The following PATJ variants were observed in gnomAD, a reference collection of about 807,000 sequenced individuals.
The protein encoded by PATJ is inaD-like protein.
A neutral mutation model predicts 224.9 loss-of-function variants in PATJ; 190 were observed. The observed-to-expected ratio is 0.84, with a 90% confidence interval of 0.75 to 0.95. The LOEUF is 0.95. PATJ is among the 40% of genes least tolerant of loss of function. The pLI is 0.00. For synonymous variants in PATJ, 769 were observed against 820.3 expected, an observed-to-expected ratio of 0.94 and a Z score of 1.07; for missense variants, 2,121 against 2,270.3, an observed-to-expected ratio of 0.93 and a Z score of 1.34.
chr1:62,036,331 G>A (rs773345793), intron 29 of PATJ, among the ~76,000 whole-genome samples: 13 of 152,186 alleles, frequency 8.5e-5, no homozygotes, highest in Non-Finnish European at 1.8e-4. Context: ...TGAAATTCAT[G>A]AGACTTAGTG....
At chr1:61,898,953 AT>A (rs35895958) in intron 22 of PATJ, among the ~76,000 whole-genome samples, 46,817 of 150,448 alleles carry the variant, frequency 0.31, 7,526 homozygotes, top group South Asian at 0.51. Flanking sequence ...TGCACAGCTG[AT>A]TTTTTTTTTG....
At chr1:61,859,376 G>A (rs1296379076) in intron 18 of PATJ, among the ~76,000 whole-genome samples, 1 of 152,058 alleles carries the variant, frequency 6.6e-6, no homozygotes, top group Non-Finnish European at 1.5e-5. Flanking sequence ...GGAGTGGGAG[G>A]CCAATGAAGG....
chr1:62,065,654 A>G (rs936225561), intron 31 of PATJ, among the ~76,000 whole-genome samples: 7 of 152,222 alleles, frequency 4.6e-5, no homozygotes, highest in African/African-American at 1.4e-4. Context: ...GCTTACATTC[A>G]TTCCCAACCA....
chr1:61,961,948 G>A (rs372609417), intron 27 of PATJ, among the ~76,000 whole-genome samples: 1 of 136,646 alleles, frequency 7.3e-6, no homozygotes, highest in African/African-American at 2.7e-5. Context: ...CAGCCTGGGC[G>A]ACAAGAATGA....
intron 6 of PATJ, among the ~76,000 whole-genome samples, chr1:61,772,702 A>G (rs1184435933): frequency 6.6e-6 from 1 of 152,218 alleles, no homozygotes; most frequent in South Asian, 2.1e-4. Flanking sequence ...AAAGTGGGGC[A>G]TTGTTTAACG....
intron 33 of PATJ, among the ~76,000 whole-genome samples, chr1:62,105,086 A>T (rs1285568751): frequency 2.6e-5 from 4 of 152,210 alleles, no homozygotes; most frequent in Non-Finnish European, 1.5e-5. Flanking sequence ...CGGACTAAAA[A>T]TGGATCATTT....
intron 28 of PATJ, chr1:62,013,547 C>T (rs762788327): frequency 2.8e-5 from 27 of 965,336 alleles, no homozygotes; most frequent in Non-Finnish European, 3.3e-5. Context: ...TGCGTGCCTG[C>T]GCTGATGGTT....
At chr1:61,744,308 G>GAAAAAAAAAA (rs1421721749) in intron 1 of PATJ, among the ~76,000 whole-genome samples, 1 of 94,960 alleles carries the variant, frequency 1.1e-5, no homozygotes, top group Non-Finnish European at 2.3e-5. Flanking sequence ...AAAAAAAAAG[G>GAAAAAAAAAA]AAAAAAGATT....
At position 61,809,170 on chromosome 1, in the gene PATJ, A is replaced by G. The variant is rs147814808; in HGVS notation, c.1683+640A>G. On this transcript the variant is annotated intron_variant, in intron 14 of 43. Coordinates refer to ENST00000642238, the MANE Select transcript of PATJ (RefSeq NM_001350145.3). ...GACAGTTTTTTTTCCAACATTTTTT[A>G]GCATCCTGTCACTAAACATTCCCAT... is the stretch of plus-strand genomic sequence containing the variant. Among the ~76,000 whole-genome samples the G allele has an allele frequency of 7.9e-3, 1,207 of 152,262 alleles. 6 individuals are homozygous for G. Among genetic ancestry groups the G allele is most frequent in the Non-Finnish European group, 0.012 (843 of 68,018 alleles).
At chr1:61,901,019 G>A (rs941729712) in intron 23 of PATJ, among the ~76,000 whole-genome samples, 29 of 152,080 alleles carry the variant, frequency 1.9e-4, no homozygotes, top group Non-Finnish European at 2.9e-4. Context: ...GGAATATTTG[G>A]GCTTAACTAA....
At chr1:61,831,862 A>G (rs1659386402) in intron 16 of PATJ, among the ~76,000 whole-genome samples, 2 of 152,246 alleles carry the variant, frequency 1.3e-5, no homozygotes, top group South Asian at 2.1e-4. Flanking sequence ...TTGTTTTGCC[A>G]TAAAGATGCA....
intron 41 of PATJ, among the ~76,000 whole-genome samples, chr1:62,129,358 C>T (rs1042186443): frequency 5.3e-5 from 8 of 151,758 alleles, no homozygotes; most frequent in Admixed American, 2.0e-4. Flanking sequence ...TTTCCTTTAG[C>T]ATAGATTGCC....
intron 10 of PATJ, among the ~76,000 whole-genome samples, chr1:61,796,658 T>TTTTCTTTCTTTCTTTCTTTC (rs202216894): frequency 9.6e-6 from 1 of 103,776 alleles, no homozygotes; most frequent in Non-Finnish European, 2.1e-5. Context: ...TCTAAATTTA[T>TTTTCTTTCTTTCTTTCTTTC]TTTCTTTCTT....
intron 25 of PATJ, among the ~76,000 whole-genome samples, chr1:61,911,697 A>T (rs80297404): frequency 4.0e-4 from 45 of 111,256 alleles, no homozygotes; most frequent in South Asian, 1.3e-3. Flanking sequence ...ATATATTTTT[A>T]TATATATATA....
intron 16 of PATJ, among the ~76,000 whole-genome samples, chr1:61,830,485 G>GA (rs1342093149): frequency 7.9e-6 from 1 of 126,332 alleles, no homozygotes; most frequent in African/African-American, 2.7e-5. Flanking sequence ...CACCGAATTA[G>GA]AAAAAAACTA....
intron 29 of PATJ, among the ~76,000 whole-genome samples, chr1:62,029,134 ACTTTATTTTT>A (rs1480619894): frequency 6.6e-6 from 1 of 152,158 alleles, no homozygotes; most frequent in East Asian, 1.9e-4. Flanking sequence ...AAGACCTTCA[ACTTTATTTTT>A]CTTTTTCAAG....
chr1:62,135,288 G>C (rs991586977), intron 41 of PATJ, among the ~76,000 whole-genome samples: 9 of 151,192 alleles, frequency 6.0e-5, no homozygotes, highest in Admixed American at 3.3e-4. Flanking sequence ...AGGCCGAGGT[G>C]GGGGGGATCG....
chr1:61,937,704 G>A (rs182922284), intron 27 of PATJ, among the ~76,000 whole-genome samples: 44 of 147,486 alleles, frequency 3.0e-4, no homozygotes, highest in African/African-American at 1.0e-3. Flanking sequence ...AGGCTGGAGC[G>A]CAATGGCACG....
intron 27 of PATJ, among the ~76,000 whole-genome samples, chr1:61,942,826 G>A (rs1031700516): frequency 3.3e-5 from 5 of 152,140 alleles, no homozygotes; most frequent in East Asian, 1.9e-4. Context: ...TAGGATTACA[G>A]GCATGAGCCA....
Sources: gnomAD v4.1 joint callset for allele counts (sites outside exome capture counted in the v4.1 genomes callset) on GRCh38, gnomAD v4.1.1 for gene constraint, MANE v1.5 for transcripts, NCBI Gene and HGNC (gene_info 2026-07-23, HGNC 2026-07-21) for gene names.